Variants in AFF1 observed in about 807,000 individuals in gnomAD.
AFF1 encodes AF4/FMR2 family member 1.
A neutral mutation model predicts 121.7 loss-of-function variants in AFF1; 48 were observed. The observed-to-expected ratio is 0.39, with a 90% CI of 0.31 to 0.50. The LOEUF (loss-of-function observed/expected upper bound fraction) is 0.50. Among genes scored for constraint, AFF1 ranks in the 20% least tolerant of loss-of-function variants. AFF1 has a pLI of 0.76. For synonymous variants in AFF1, 613 were observed against 563.0 expected (o/e 1.09, Z -1.26); for missense variants, 1,523 against 1,511.7 (o/e 1.01, Z -0.12).
chr4:87,037,222 T>C (rs763433786), intron 2 of AFF1, among the ~76,000 whole-genome samples: 8 of 152,218 alleles, frequency 5.3e-5, no homozygotes, highest in African/African-American at 7.2e-5. Flanking sequence ...TTTCTCATTG[T>C]GAAAAGAATT....
chr4:87,086,794 A>C (rs374094680), intron 5 of AFF1, among the ~76,000 whole-genome samples: 1 of 152,176 alleles, frequency 6.6e-6, no homozygotes, highest in Admixed American at 6.5e-5. Flanking sequence ...CAATTTATTA[A>C]GATTGCCAGG....
intron 2 of AFF1, among the ~76,000 whole-genome samples, chr4:86,965,059 T>C (rs993490881): frequency 5.9e-5 from 9 of 152,304 alleles, no homozygotes; most frequent in African/African-American, 2.2e-4. Context: ...ATAATGGGTA[T>C]TTATTTGACC....
chr4:87,073,280 CAAAAAAAAAAAAAAAAAAAAAAA>C (rs55821662), intron 4 of AFF1, among the ~76,000 whole-genome samples: 24 of 83,690 alleles, frequency 2.9e-4, no homozygotes, highest in African/African-American at 1.3e-3. Flanking sequence ...GCATTAAAGC[CAAAAAAAAAAAAAAAAAAAAAAA>C]AAAAAAAAAA....
intron 2 of AFF1, among the ~76,000 whole-genome samples, chr4:86,991,800 A>G (rs1724745680): frequency 1.3e-5 from 2 of 150,756 alleles, no homozygotes; most frequent in South Asian, 4.2e-4. Context: ...AAATTAATCC[A>G]ACAGGACTGG....
At chr4:86,956,796 C>T (rs1215154358) in intron 2 of AFF1, among the ~76,000 whole-genome samples, 1 of 152,138 alleles carries the variant, frequency 6.6e-6, no homozygotes, top group Non-Finnish European at 1.5e-5. Flanking sequence ...CATAGATGTG[C>T]CATCTTGTAC....
At chr4:87,119,259 C>T (rs999798563) in intron 12 of AFF1, among the ~76,000 whole-genome samples, 1 of 152,052 alleles carries the variant, frequency 6.6e-6, no homozygotes, top group Non-Finnish European at 1.5e-5. Context: ...AATACACAAC[C>T]AGGCCAGTGC....
rs542182464 is a variant in AFF1 at position 87,073,572 on chromosome 4, CTGT to C, written c.1060-10545_1060-10543del. 3.1e-3 allele frequency among the ~76,000 whole-genome samples: 466 copies of C among 152,220 alleles called. 3 individuals carry two copies. Among genetic ancestry groups the C allele is most frequent in the African/African-American group, 0.011 (447 of 41,526 alleles). The stretch of plus-strand genomic sequence containing the variant: ...AAACCAACACCTACTCCAGAAGAGG[CTGT>C]TGAGATTACTGCTGGAATAAGCCCA... On this transcript the variant is annotated intron_variant, in intron 4 of 20. Transcript: ENST00000395146.
At chr4:86,974,482 ACTTTTTAGTTTGTTT>A in intron 2 of AFF1, among the ~76,000 whole-genome samples, 1 of 141,710 alleles carries the variant, frequency 7.1e-6, no homozygotes, top group Middle Eastern at 3.5e-3. Flanking sequence ...TCCTTCTTAA[ACTTTTTAGTTTGTTT>A]AAATGCAGGG....
chr4:87,115,199 G>A lies in AFF1; in HGVS notation c.2366G>A (p.Arg789His), dbSNP rs1380240398. 5.6e-6 allele frequency: 9 copies of A among 1,614,134 alleles called. No homozygotes were observed. The highest frequency in any genetic ancestry group is 1.1e-5 in the South Asian group (1 of 91,068). The change falls in exon 12 of 21, where the codon CGC becomes CAC. Residue 789 changes from arginine to histidine, a missense_variant. Coordinates refer to ENST00000395146, the MANE Select transcript of AFF1 (RefSeq NM_001166693.3). ...CCCCAGCCTCCCGGGAAGGGGAGCC[G>A]CCAGAGGAAAGCAGAAGATAAACAG... ...RIPQPPGKGS[R>H]QRKAEDKQPP...
At chr4:87,086,117 C>A (rs1485662284) in intron 5 of AFF1, among the ~76,000 whole-genome samples, 1 of 152,196 alleles carries the variant, frequency 6.6e-6, no homozygotes, top group African/African-American at 2.4e-5. Flanking sequence ...ACCTCGATTA[C>A]ATTTTTTATC....
rs909804909 is a variant in AFF1 at position 87,046,886 on chromosome 4, T to G, written c.351T>G (p.Ser117Arg). The G allele has an allele frequency of 6.2e-7, 1 of 1,614,224 alleles. No homozygotes were observed. The highest frequency in any genetic ancestry group is 1.6e-4 in the Middle Eastern group (1 of 6,062). Residue 117 changes from serine (S) to arginine (R), a missense_variant, in exon 4 of 21, where the codon AGT becomes AGG. Physicochemically the swap from Ser to Arg is moderately radical, Grantham distance 110. Transcript: ENST00000395146. ...SSIPSSSFHTSVHHQSIHTPA... is the reference protein window; with the variant it reads ...SSIPSSSFHTRVHHQSIHTPA... ...TTCCATCCAGCTCCTTCCACACTAG[T>G]GTCCACCACCAGTCCATTCACACTC...
chr4:87,013,009 C>CT (rs1291176544), intron 2 of AFF1, among the ~76,000 whole-genome samples: 1 of 145,628 alleles, frequency 6.9e-6, no homozygotes, highest in Non-Finnish European at 1.5e-5. Flanking sequence ...TTTAATTTAA[C>CT]CAGATTGAAC....
chr4:87,029,563 G>A (rs140874417), intron 2 of AFF1, among the ~76,000 whole-genome samples: 8 of 152,220 alleles, frequency 5.3e-5, no homozygotes, highest in South Asian at 4.1e-4. Context: ...AACCACACCC[G>A]CCTGCTGGAA....
intron 2 of AFF1, chr4:87,007,441 A>G (rs200740475): frequency 2.5e-6 from 4 of 1,613,972 alleles, no homozygotes; most frequent in Non-Finnish European, 3.4e-6. Context: ...CGTGCACCGG[A>G]GAAACTTTTC....
chr4:87,022,580 A>ATATATATATATATC (rs1399457511), intron 2 of AFF1, among the ~76,000 whole-genome samples: 7 of 89,340 alleles, frequency 7.8e-5, no homozygotes, highest in African/African-American at 3.7e-4. Context: ...ATATATATAT[A>ATATATATATATATC]TATCTATCTA....
chr4:87,135,453 TTGA>T lies in AFF1; in HGVS notation c.3536-124_3536-122del, dbSNP rs1236776308. On this transcript the variant is annotated intron_variant, in intron 20 of 20. Coordinates refer to ENST00000395146, the MANE Select transcript of AFF1 (RefSeq NM_001166693.3). ...GCAATTACAGTAGATTGTGATTTTT[TTGA>T]TGTGATTAAGTGCAGAATATTGTGG... is the stretch of plus-strand genomic sequence containing the variant. 7 of 978,654 alleles carry T rather than the reference TTGA, an allele frequency of 7.2e-6. No homozygotes were observed. The East Asian group carries it at 1.7e-4, about 24-fold the overall frequency. 60.6% of individuals were successfully genotyped at this position (978,654 alleles called of 1,614,324 possible). A position where few individuals can be genotyped will look rare whatever the true frequency, so the allele number is the denominator to read the frequency against.
At chr4:87,058,924 T>G (rs1720440475) in intron 4 of AFF1, among the ~76,000 whole-genome samples, 1 of 152,182 alleles carries the variant, frequency 6.6e-6, no homozygotes, top group African/African-American at 2.4e-5. Context: ...CTTTAAGGCC[T>G]TATCCTACTT....
At chr4:87,003,328 C>T (rs1166524535) in intron 2 of AFF1, among the ~76,000 whole-genome samples, 1 of 152,202 alleles carries the variant, frequency 6.6e-6, no homozygotes, top group Non-Finnish European at 1.5e-5. Context: ...CAGTGGTGTT[C>T]TCATAGCTCA....
At chr4:87,036,643 A>C in intron 2 of AFF1, 1 of 317,002 alleles carries the variant, frequency 3.2e-6, no homozygotes, top group Admixed American at 4.9e-5. Flanking sequence ...GAGGAAGACA[A>C]GTTCTTGTGT....
Sources: gnomAD v4.1 joint callset for allele counts (sites outside exome capture counted in the v4.1 genomes callset) on GRCh38, gnomAD v4.1.1 for gene constraint, MANE v1.5 for transcripts, NCBI Gene and HGNC (gene_info 2026-07-23, HGNC 2026-07-21) for gene names.